The following PEX10 variants were observed in gnomAD, a reference collection of about 807,000 sequenced individuals.
The protein encoded by PEX10 is peroxisome biogenesis factor 10.
A neutral mutation model predicts 38.0 loss-of-function variants in PEX10; 32 were observed. That is an observed-to-expected ratio of 0.84 (90% CI 0.63 to 1.13). PEX10 has a LOEUF of 1.13. PEX10 is among the 50% of genes most tolerant of loss of function. The probability of loss-of-function intolerance (pLI) is 0.00; values close to 1 mark genes in which losing one functional copy is unlikely to be tolerated. For synonymous variants in PEX10, 206 were observed against 207.3 expected (o/e 0.99, Z 0.05); for missense variants, 483 against 457.7 (o/e 1.06, Z -0.51).
rs1642969339 is a variant in PEX10, at chr1:2,405,525, C to T, written c.*241G>A. 1.6e-6 allele frequency: 1 copy of T among 622,068 alleles called. No homozygotes were observed. The highest frequency in any genetic ancestry group is 2.9e-6 in the Non-Finnish European group (1 of 343,726). 38.5% of individuals were successfully genotyped at this position (622,068 alleles called of 1,614,324 possible). On this transcript the variant is annotated 3_prime_UTR_variant, in exon 6 of 6. Transcript: ENST00000447513. ...ATAAGTGAAATTCCTGAAGAAGTGG[C>T]TGAGTCCTACCAGGTTGGGGTTAGG... is the stretch of plus-strand genomic sequence containing the variant.
At chr1:2,412,608 C>G (rs530407697), upstream of PEX10, 2 of 925,232 alleles carry the variant, frequency 2.2e-6, no homozygotes, top group Non-Finnish European at 1.4e-6. Flanking sequence ...GCGCAGACCT[C>G]TGCGTCAAGG....
At chr1:2,408,377 CTG>C (rs1489488909) in intron 3 of PEX10, 73 bp downstream of exon 3, 5 of 1,527,536 alleles carry the variant, frequency 3.3e-6, no homozygotes, top group African/African-American at 2.7e-5. Context: ...AGGGCCAGCT[CTG>C]TGCATGCACC....
Position 2,405,802 on chromosome 1 carries a change from A to T in PEX10, c.945T>A (p.Pro315=), listed in dbSNP as rs1379165614. The T allele has an allele frequency of 6.2e-7, 1 of 1,602,266 alleles. No individual in the cohort carries two copies. The highest frequency in any genetic ancestry group is 1.3e-5 in the African/African-American group (1 of 74,672). ...GCCGAAGGTAGATGAGCTTCTGGGG[A>T]GGGAACTTCTCCCGGCAGAGGGGAC... ...AECPLCREKF[P]PQKLIYLRHY... The change falls in exon 6 of 6, where the codon CCT becomes CCA. Residue 315 remains proline, a synonymous_variant. Coordinates refer to ENST00000447513, the MANE Select transcript of PEX10 (RefSeq NM_002617.4).
Position 2,410,548 on chromosome 1 carries a change from G to T in PEX10, c.113-97C>A. The T allele has an allele frequency of 2.0e-6, 2 of 1,025,238 alleles. No individual in the cohort carries two copies. The highest frequency in any genetic ancestry group is 3.0e-6 in the Non-Finnish European group (2 of 671,774). 63.5% of individuals were successfully genotyped at this position (1,025,238 alleles called of 1,614,324 possible). On this transcript the variant is annotated intron_variant, in intron 1 of 5. Transcript: ENST00000447513. This position sits in a 1 kb window ranked among gnomAD's most constrained non-coding sequence, Gnocchi z 5.1. ...CCCCAGTTGTCTAGGCCCAGATCCA[G>T]TCCCACCCCTTCCATGAAGCCAACA...
At position 2,408,634 on chromosome 1, in the gene PEX10, C is replaced by G. The variant is rs76530653; in HGVS notation, c.418G>C (p.Gly140Arg). 6.2e-4 allele frequency: 995 copies of G among 1,610,888 alleles called. 2 individuals carry two copies. Among genetic ancestry groups the G allele is most frequent in the Admixed American group, 1.6e-3 (98 of 59,904 alleles). The part of the protein sequence containing the change: ...SLGPGGRGCS[G>R]ARRWMRHHTA... ...TGGTGACGCATCCAGCGCCGCGCCC[C>G]TGAGCAGCCACGCCCACCTGGCCCC... is the stretch of plus-strand genomic sequence containing the variant. The change falls in exon 3 of 6, where the codon GGG (glycine) becomes CGG (arginine). Residue 140 changes from glycine to arginine, a missense_variant. Transcript: ENST00000447513.
intron 3 of PEX10, among the ~76,000 whole-genome samples, chr1:2,407,809 C>G (rs1434649004): frequency 1.3e-5 from 2 of 152,242 alleles, no homozygotes; most frequent in Middle Eastern, 3.4e-3. Flanking sequence ...GAGGGCTGTT[C>G]TGGAAGGAGC....
At position 2,412,564 on chromosome 1, in the gene PEX10, G is replaced by A. The variant is rs894907098; in HGVS notation, c.-62C>T. On this transcript the variant is annotated 5_prime_UTR_variant, in exon 1 of 6. Transcript: ENST00000447513. ...GCCACGCCCACGCCCAGACGGGCGA[G>A]AACTGATGACGGCACGACGTGGCTC... The A allele has an allele frequency of 2.5e-5, 30 of 1,208,454 alleles. No homozygotes were observed. In the East Asian group the frequency reaches 1.0e-3, roughly 40 times the overall value. The allele number at this position is 1,208,454 out of a possible 1,614,324, so 74.9% of individuals were successfully genotyped here. A position where few individuals can be genotyped will look rare whatever the true frequency, so the allele number is the denominator to read the frequency against.
At position 2,412,456 on chromosome 1, in the gene PEX10, T is replaced by C; in HGVS notation, c.47A>G (p.Gln16Arg). ...CCCACCGCGGTAGTACTCGTCCTTC[T>C]GCGCCGCGCGGATCACCTCCGGGGG... Reference protein sequence around the residue: ...ASPPEVIRAAQKDEYYRGGLR... With the variant: ...ASPPEVIRAARKDEYYRGGLR... Residue 16 changes from glutamine to arginine, a missense_variant, in exon 1 of 6, where the codon CAG becomes CGG. Physicochemically the swap from Gln to Arg is conservative, Grantham distance 43. Transcript: ENST00000447513. 1 of 1,422,332 alleles carries C rather than the reference T, an allele frequency of 7.0e-7. No homozygotes were observed. The highest frequency in any genetic ancestry group is 9.2e-7 in the Non-Finnish European group (1 of 1,091,396). The allele number at this position is 1,422,332 out of a possible 1,614,324, so 88.1% of individuals were successfully genotyped here.
At chr1:2,406,319 G>T (rs964045966) in intron 5 of PEX10, among the ~76,000 whole-genome samples, 165 bp downstream of exon 5, 12 of 152,138 alleles carry the variant, frequency 7.9e-5, no homozygotes, top group Admixed American at 6.5e-4. Flanking sequence ...CCCCCTCAAC[G>T]AACCCACATC....
At position 2,409,420 on chromosome 1, in the gene PEX10, C is replaced by T. The variant is rs115513809; in HGVS notation, c.194-562G>A. 3.6e-3 allele frequency among the ~76,000 whole-genome samples: 546 copies of T among 152,236 alleles called. No homozygotes were observed. The highest frequency in any genetic ancestry group is 5.6e-3 in the Non-Finnish European group (384 of 67,996). The stretch of plus-strand genomic sequence containing the variant: ...CCGTTTCCATCTCTGTGGATGGCAA[C>T]GCCAGGCCTCCGGTTCCTGAGGTCA... On this transcript the variant is annotated intron_variant, in intron 2 of 5. Coordinates refer to ENST00000447513, the MANE Select transcript of PEX10 (RefSeq NM_002617.4). This position sits in a 1 kb window ranked among gnomAD's most constrained non-coding sequence, Gnocchi z 6.2.
In PEX10 at chr1:2,408,719, G is replaced by T. The variant is rs781710848; in HGVS notation, c.333C>A (p.Leu111=). 3.1e-6 allele frequency: 5 copies of T among 1,613,674 alleles called. No individual in the cohort carries two copies. Among genetic ancestry groups the T allele is most frequent in the Admixed American group, 3.3e-5 (2 of 59,990 alleles). Residue 111 remains leucine, a synonymous_variant, in exon 3 of 6, where the codon CTC becomes CTA. Coordinates refer to ENST00000447513, the MANE Select transcript of PEX10 (RefSeq NM_002617.4). ...CAGCCTGCAGCTCCTGCTCCAGGGG[G>T]AGCAGGGCCTTGTCCAGCAGGTAGG... ...VLPYLLDKAL[L]PLEQELQADP... is the part of the protein sequence containing the mutation.
intron 4 of PEX10, 33 bp downstream of exon 4, chr1:2,406,687 C>G: frequency 6.2e-7 from 1 of 1,608,112 alleles, no homozygotes; most frequent in Non-Finnish European, 8.5e-7. Context: ...GCCCAGGACA[C>G]CCCCAGCCCC....
rs747921371 is a variant in PEX10, at chr1:2,408,781, G to A, written c.271C>T (p.Arg91Cys). The A allele has an allele frequency of 1.6e-5, 26 of 1,613,874 alleles. No individual in the cohort carries two copies. Among genetic ancestry groups the A allele is most frequent in the African/African-American group, 5.3e-5 (4 of 74,920 alleles). Residue 91 changes from arginine to cysteine, a missense_variant, in exon 3 of 6, where the codon CGC becomes TGC. Arg to Cys is a radical substitution (Grantham distance 180). Coordinates refer to ENST00000447513, the MANE Select transcript of PEX10 (RefSeq NM_002617.4). ...PSRIHVPSSL[R>C]RGVLVTLHAV... ...TGCAGTGTCACCAGCACGCCACGGC[G>A]CAGCGAGGAGGGCACATGTATCCGC...
intron 3 of PEX10, 134 bp downstream of exon 3, chr1:2,408,318 G>T (rs1643075033): frequency 1.0e-6 from 1 of 997,522 alleles, no homozygotes; most frequent in Non-Finnish European, 1.6e-6. Flanking sequence ...TTGGGTTCCT[G>T]CCTTGACACA....
chr1:2,405,169 G>A lies in PEX10; in HGVS notation c.*597C>T, dbSNP rs1334663446. 1.7e-5 allele frequency: 3 copies of A among 178,662 alleles called. No homozygotes were observed. In the South Asian group the frequency reaches 3.3e-4, roughly 20 times the overall value. 11.1% of individuals were successfully genotyped at this position (178,662 alleles called of 1,614,324 possible). A position where few individuals can be genotyped will look rare whatever the true frequency, so the allele number is the denominator to read the frequency against. On this transcript the variant is annotated 3_prime_UTR_variant, in exon 6 of 6. Transcript: ENST00000447513. ...GAAGGTGTGTGTGCCAAATGCTTCC[G>A]ACGGAGGTGCTGGCCTTGGTTGGTT...
intron 5 of PEX10, 62 bp downstream of exon 5, chr1:2,406,422 C>G: frequency 6.3e-7 from 1 of 1,598,458 alleles, no homozygotes; most frequent in Non-Finnish European, 8.5e-7. Context: ...CTGCTGCAGC[C>G]AGGTGCATCT....
In PEX10 at chr1:2,408,802, T is replaced by C; in HGVS notation, c.250A>G (p.Ile84Val). Residue 84 changes from isoleucine (I) to valine (V), a missense_variant, in exon 3 of 6, where the codon ATA becomes GTA. Physicochemically the swap from Ile to Val is conservative, Grantham distance 29. Transcript: ENST00000447513. ...CGGCGCAGCGAGGAGGGCACATGTA[T>C]CCGCGATGGGTCCACCTGGATGATG... is the stretch of plus-strand genomic sequence containing the variant. ...VSIIQVDPSR[I>V]HVPSSLRRGV... The C allele has an allele frequency of 2.5e-6, 4 of 1,613,992 alleles. No individual in the cohort carries two copies. Among genetic ancestry groups the C allele is most frequent in the Non-Finnish European group, 3.4e-6 (4 of 1,179,926 alleles).
upstream of PEX10, among the ~76,000 whole-genome samples, chr1:2,412,882 C>T (rs970609716): frequency 6.6e-6 from 1 of 152,178 alleles, no homozygotes; most frequent in Non-Finnish European, 1.5e-5. Context: ...CTGCTCTGCT[C>T]CCTGCACGTC....
In PEX10 at chr1:2,405,890, C is replaced by G. The variant is rs747316054; in HGVS notation, c.913-56G>C. ...CTGGGGCCACTGGGCCATGCCCATC[C>G]CCATCGGCATTTCTTTTCCTGTCCA... On this transcript the variant is annotated intron_variant, in intron 5 of 5. Coordinates refer to ENST00000447513, the MANE Select transcript of PEX10 (RefSeq NM_002617.4). 1.4e-4 allele frequency: 187 copies of G among 1,352,072 alleles called. No individual in the cohort carries two copies. In the Middle Eastern group the frequency reaches 1.4e-3, roughly 10 times the overall value. 83.8% of individuals were successfully genotyped at this position (1,352,072 alleles called of 1,614,324 possible).
Sources: allele counts gnomAD v4.1 joint callset (sites outside exome capture counted in the v4.1 genomes callset), GRCh38; gene constraint gnomAD v4.1.1; non-coding constraint Gnocchi (gnomAD v3.1); transcripts MANE v1.5; gene names NCBI Gene and HGNC (gene_info 2026-07-23, HGNC 2026-07-21).